ZNF486: variants seen among roughly 807,000 people sequenced by gnomAD.
ZNF486 encodes KRAB box only protein 2.
A neutral mutation model predicts 12.8 loss-of-function variants in ZNF486; 12 were observed. That is an observed-to-expected ratio of 0.94 (90% CI 0.60 to 1.52). ZNF486 has a LOEUF of 1.52. Ranked by LOEUF, ZNF486 falls within the 40% of genes most tolerant of loss-of-function variation. The pLI is 0.00. For synonymous variants in ZNF486, 231 were observed against 184.9 expected (o/e 1.25, Z -2.02); for missense variants, 738 against 545.0 (o/e 1.35, Z -3.53).
chr19:20,186,044 T>C lies in ZNF486; in HGVS notation c.215T>C (p.Leu72Pro). ...TGTCTGGAGCAAGGAATAAAACCTC[T>C]GACTATGAAGAGACATGAGATGATT... ...ITCLEQGIKPLTMKRHEMIAK... is the reference protein window; with the variant it reads ...ITCLEQGIKPPTMKRHEMIAK... The change falls in exon 3 of 4, where the codon CTG becomes CCG. Residue 72 changes from leucine to proline, a missense_variant. By Grantham distance (98) the Leu-to-Pro change is moderately conservative. Transcript: ENST00000335117. 6.3e-7 allele frequency: 1 copy of C among 1,595,138 alleles called. No homozygotes were observed. Among genetic ancestry groups the C allele is most frequent in the Non-Finnish European group, 8.5e-7 (1 of 1,172,422 alleles).
intron 1 of ZNF486, among the ~76,000 whole-genome samples, chr19:20,182,421 C>T (rs1157442861): frequency 6.6e-6 from 1 of 152,212 alleles, no homozygotes; most frequent in East Asian, 1.9e-4. Flanking sequence ...CTTGTGCCCT[C>T]CCCACAGCTT....
intron 1 of ZNF486, among the ~76,000 whole-genome samples, chr19:20,171,488 C>T (rs1568315763): frequency 6.6e-6 from 1 of 152,180 alleles, no homozygotes; most frequent in African/African-American, 2.4e-5. Flanking sequence ...TTGTCAAGAA[C>T]CCACAAGTCT....
chr19:20,169,451 C>T (rs2089622691), intron 1 of ZNF486, among the ~76,000 whole-genome samples: 1 of 152,070 alleles, frequency 6.6e-6, no homozygotes, highest in Non-Finnish European at 1.5e-5. Flanking sequence ...TTCTGGGGAG[C>T]CTCGCCTGCA....
At chr19:20,186,518 C>T (rs1555716480) in intron 3 of ZNF486, among the ~76,000 whole-genome samples, 1 of 152,080 alleles carries the variant, frequency 6.6e-6, no homozygotes, top group Non-Finnish European at 1.5e-5. Flanking sequence ...TTTTTCTGCA[C>T]AGTCCATTCT....
chr19:20,198,330 TA>T lies in ZNF486; in HGVS notation c.*230del. 2.1e-6 allele frequency: 1 copy of T among 470,264 alleles called. No homozygotes were observed. Among genetic ancestry groups the T allele is most frequent in the African/African-American group, 2.0e-5 (1 of 51,244 alleles). 29.1% of individuals were successfully genotyped at this position (470,264 alleles called of 1,614,324 possible). On this transcript the variant is annotated 3_prime_UTR_variant, in exon 4 of 4. Coordinates refer to ENST00000335117, the MANE Select transcript of ZNF486 (RefSeq NM_052852.4). ...GTTGGTCAGGCTGGTCTCAATCTCC[TA>T]ACCTCAGGTGGTCTGCCTGCTTTGG...
At chr19:20,169,782 G>C (rs2089626555) in intron 1 of ZNF486, among the ~76,000 whole-genome samples, 1 of 151,976 alleles carries the variant, frequency 6.6e-6, no homozygotes, top group South Asian at 2.1e-4. Context: ...GAAAAAAGCG[G>C]GGAGGGGAAT....
chr19:20,191,763 CTG>C (rs1414371823), intron 3 of ZNF486, among the ~76,000 whole-genome samples: 1 of 152,076 alleles, frequency 6.6e-6, no homozygotes, highest in East Asian at 1.9e-4. Context: ...GAGCAGGACT[CTG>C]TCTCAAAAAC....
chr19:20,190,192 T>A (rs967774767), intron 3 of ZNF486, among the ~76,000 whole-genome samples: 8 of 152,224 alleles, frequency 5.3e-5, no homozygotes, highest in Non-Finnish European at 8.8e-5. Flanking sequence ...TTTATGTTAC[T>A]GTAGCCTTTA....
chr19:20,190,209 G>A (rs115165141), intron 3 of ZNF486, among the ~76,000 whole-genome samples: 5 of 152,074 alleles, frequency 3.3e-5, no homozygotes, highest in Admixed American at 2.6e-4. Flanking sequence ...TTTAACTGTA[G>A]GTTGTATTGA....
chr19:20,168,919 C>T (rs2089614784), intron 1 of ZNF486, among the ~76,000 whole-genome samples: 1 of 151,882 alleles, frequency 6.6e-6, no homozygotes, highest in Non-Finnish European at 1.5e-5. Flanking sequence ...CGGCTCACTG[C>T]AACCTCCGCC....
rs577505912 is a variant in ZNF486 at position 20,198,053 on chromosome 19, A to G, written c.1343A>G (p.Asp448Gly). The change falls in exon 4 of 4, where the codon GAC becomes GGC. Residue 448 changes from aspartate to glycine, a missense_variant. Asp to Gly is a moderately conservative substitution (Grantham distance 94). Coordinates refer to ENST00000335117, the MANE Select transcript of ZNF486 (RefSeq NM_052852.4). ...ECGKAFNWSS[D>G]LNKHKRIHIG... ...GGCAAAGCTTTTAACTGGTCCTCAG[A>G]CCTTAATAAACATAAGAGAATTCAT... 345 of 1,610,014 alleles carry G rather than the reference A, an allele frequency of 2.1e-4. 4 individuals carry two copies. In the Middle Eastern group the frequency reaches 3.1e-3, roughly 15 times the overall value.
chr19:20,184,596 T>C (rs546973994), intron 2 of ZNF486, 114 bp downstream of exon 2: 6 of 1,173,966 alleles, frequency 5.1e-6, no homozygotes, highest in Non-Finnish European at 6.9e-6. Context: ...AGATGTCCTT[T>C]TTCCAGAAAA....
At position 20,198,586 on chromosome 19, in the gene ZNF486, G is replaced by C. The variant is rs1568329460; in HGVS notation, c.*484G>C. 6.2e-6 allele frequency: 1 copy of C among 161,834 alleles called. No individual in the cohort carries two copies. Among genetic ancestry groups the C allele is most frequent in the Non-Finnish European group, 1.4e-5 (1 of 73,400 alleles). 10.0% of individuals were successfully genotyped at this position (161,834 alleles called of 1,614,324 possible). On this transcript the variant is annotated 3_prime_UTR_variant, in exon 4 of 4. Coordinates refer to ENST00000335117, the MANE Select transcript of ZNF486 (RefSeq NM_052852.4). ...GACCCGGGCTGTAGTGCAATGGCAT[G>C]ATCTTGGCTTACTGTGACCTCTGCC...
chr19:20,168,536 C>T (rs962197489), intron 1 of ZNF486, among the ~76,000 whole-genome samples: 2 of 151,950 alleles, frequency 1.3e-5, no homozygotes, highest in African/African-American at 4.8e-5. Flanking sequence ...TGCCTGTAAT[C>T]CCAGCTACTC....
intron 3 of ZNF486, among the ~76,000 whole-genome samples, chr19:20,195,925 T>C (rs1403261777): frequency 6.6e-6 from 1 of 152,236 alleles, no homozygotes; most frequent in East Asian, 1.9e-4. Flanking sequence ...GGACACATTA[T>C]CTGGTGTCTA....
At chr19:20,187,794 C>T (rs782630079) in intron 3 of ZNF486, among the ~76,000 whole-genome samples, 19 of 152,150 alleles carry the variant, frequency 1.2e-4, no homozygotes, top group East Asian at 1.9e-4. Context: ...TGAGCCACCA[C>T]GCCTGGCCTT....
intron 3 of ZNF486, among the ~76,000 whole-genome samples, chr19:20,187,551 C>T (rs935751174): frequency 1.4e-5 from 2 of 143,142 alleles, no homozygotes; most frequent in Non-Finnish European, 3.0e-5. Context: ...GCCCAGGCTG[C>T]AGTGCAGTGG....
At chr19:20,182,807 CAT>C (rs2089800720) in intron 1 of ZNF486, among the ~76,000 whole-genome samples, 1 of 152,088 alleles carries the variant, frequency 6.6e-6, no homozygotes, top group African/African-American at 2.4e-5. Flanking sequence ...AGCAGGTAAT[CAT>C]GTGTTACTGA....
chr19:20,197,772 A>C lies in ZNF486; in HGVS notation c.1062A>C (p.Glu354Asp). 1 of 1,613,938 alleles carries C rather than the reference A, an allele frequency of 6.2e-7. No homozygotes were observed. The change falls in exon 4 of 4, where the codon GAA becomes GAC. Residue 354 changes from glutamate (E) to aspartate (D), a missense_variant. Physicochemically the swap from Glu to Asp is conservative, Grantham distance 45. Transcript: ENST00000335117. ...HTGEKPYKCE[E>D]CGKAFTRSSH... The stretch of plus-strand genomic sequence containing the variant: ...GAGAGAAACCCTACAAATGTGAAGA[A>C]TGTGGCAAAGCCTTCACCCGCTCCT...
Sources: allele counts gnomAD v4.1 joint callset (sites outside exome capture counted in the v4.1 genomes callset), GRCh38; gene constraint gnomAD v4.1.1; transcripts MANE v1.5; gene names NCBI Gene and HGNC (gene_info 2026-07-23, HGNC 2026-07-21).